The following DIRAS3 variants were observed in gnomAD, a reference collection of about 807,000 sequenced individuals.
DIRAS3 encodes the protein DIRAS family GTPase 3.
For missense variants in DIRAS3, 248 were observed against 300.6 expected, an observed-to-expected ratio of 0.83 and a Z score of 1.29; for synonymous variants, 133 against 131.4, an observed-to-expected ratio of 1.01 and a Z score of -0.08.
chr1:68,048,573 G>A (rs1257395234), intron 1 of DIRAS3, among the ~76,000 whole-genome samples: 3 of 152,178 alleles, frequency 2.0e-5, no homozygotes, highest in African/African-American at 7.2e-5. Flanking sequence ...AAAGAGAAGA[G>A]AGGCTTTTTG....
Position 68,047,258 on chromosome 1 carries a change from G to T in DIRAS3, c.40C>A (p.Leu14Met). ...GCGGGCAGAAGCCGCAACCGCTTCA[G>T]CAGCTTCTGTTCCTTGGAGCCAAAG... ...ASFGSKEQKL[L>M]KRLRLLPALL... The change falls in exon 2 of 2, where the codon CTG (leucine) becomes ATG (methionine). Residue 14 changes from leucine (L) to methionine (M), a missense_variant. By Grantham distance (15) the Leu-to-Met change is conservative. Coordinates refer to ENST00000646789, the MANE Select transcript of DIRAS3 (RefSeq NM_004675.5). 1 of 1,613,962 alleles carries T rather than the reference G, an allele frequency of 6.2e-7. No homozygotes were observed. Among genetic ancestry groups the T allele is most frequent in the Non-Finnish European group, 8.5e-7 (1 of 1,180,030 alleles).
Position 68,046,407 on chromosome 1 carries a change from A to G in DIRAS3, c.*201T>C. The G allele has an allele frequency of 1.9e-6, 1 of 536,170 alleles. No homozygotes were observed. Among genetic ancestry groups the G allele is most frequent in the Non-Finnish European group, 3.2e-6 (1 of 307,748 alleles). The allele number at this position is 536,170 out of a possible 1,614,324, so 33.2% of individuals were successfully genotyped here. A position where few individuals can be genotyped will look rare whatever the true frequency, so the allele number is the denominator to read the frequency against. On this transcript the variant is annotated 3_prime_UTR_variant, in exon 2 of 2. Coordinates refer to ENST00000646789, the MANE Select transcript of DIRAS3 (RefSeq NM_004675.5). The stretch of plus-strand genomic sequence containing the variant: ...ATGCTACATTTTGTTCTCCTCTTCA[A>G]ATGCCAATGTTTTAACAATTTGAAT...
chr1:68,049,971 C>G (rs552822718), intron 1 of DIRAS3, among the ~76,000 whole-genome samples: 2 of 148,086 alleles, frequency 1.4e-5, no homozygotes, highest in South Asian at 2.1e-4. Flanking sequence ...CCCCCCCCCC[C>G]ACTCCCCTCC....
Position 68,046,424 on chromosome 1 carries a change from A to C in DIRAS3, c.*184T>G, listed in dbSNP as rs1645672914. The C allele has an allele frequency of 1.8e-6, 1 of 570,618 alleles. No individual in the cohort carries two copies. The highest frequency in any genetic ancestry group is 2.6e-5 in the South Asian group (1 of 37,834). 35.3% of individuals were successfully genotyped at this position (570,618 alleles called of 1,614,324 possible). A position where few individuals can be genotyped will look rare whatever the true frequency, so the allele number is the denominator to read the frequency against. The stretch of plus-strand genomic sequence containing the variant: ...CCTCTTCAAATGCCAATGTTTTAAC[A>C]ATTTGAATTCTCTGGCCTGGGAAAA... On this transcript the variant is annotated 3_prime_UTR_variant, in exon 2 of 2. Transcript: ENST00000646789.
chr1:68,047,094 C>T lies in DIRAS3; in HGVS notation c.204G>A (p.Pro68=), dbSNP rs1414824900. 3.1e-6 allele frequency: 5 copies of T among 1,614,146 alleles called. No individual in the cohort carries two copies. The highest frequency in any genetic ancestry group is 4.2e-6 in the Non-Finnish European group (5 of 1,180,030). ...ASGNFRHEYL[P]TIENTYCQLL... The stretch of plus-strand genomic sequence containing the variant: ...ACTGGCAGTAGGTATTTTCAATGGT[C>T]GGCAGGTACTCATGACGGAAGTTGC... The change falls in exon 2 of 2, where the codon CCG becomes CCA. Residue 68 remains proline, a synonymous_variant. Coordinates refer to ENST00000646789, the MANE Select transcript of DIRAS3 (RefSeq NM_004675.5).
chr1:68,048,273 A>G (rs774293338), intron 1 of DIRAS3, among the ~76,000 whole-genome samples: 7 of 151,858 alleles, frequency 4.6e-5, no homozygotes, highest in Non-Finnish European at 1.0e-4. Context: ...GTTCAGGAAT[A>G]AACATAGTAG....
intron 1 of DIRAS3, among the ~76,000 whole-genome samples, chr1:68,048,035 AAAAAAAAAAAAAAAATATATATATAT>A (rs1305588808): frequency 1.7e-4 from 10 of 59,162 alleles, no homozygotes; most frequent in African/African-American, 7.8e-4. Flanking sequence ...AAAAAAAAAA[AAAAAAAAAAAAAAAATATATATATAT>A]ATATATATAT....
At position 68,047,005 on chromosome 1, in the gene DIRAS3, T is replaced by C. The variant is rs759146869; in HGVS notation, c.293A>G (p.Asn98Ser). 4 of 1,614,156 alleles carry C rather than the reference T, an allele frequency of 2.5e-6. No individual in the cohort carries two copies. The South Asian group carries it at 3.3e-5, about 13-fold the overall frequency. ...TATAACGTGGCGCTGCAGAGCGCGG[T>C]TGCCGTCGCCACTCTTGCTGTCGGT... The part of the protein sequence containing the change: ...HITDSKSGDG[N>S]RALQRHVIAR... The change falls in exon 2 of 2, where the codon AAC (asparagine) becomes AGC (serine). Residue 98 changes from asparagine (N) to serine (S), a missense_variant. Transcript: ENST00000646789.
rs1236126388 is a variant in DIRAS3, at chr1:68,046,888, A to G, written c.410T>C (p.Ile137Thr). 3 of 1,614,078 alleles carry G rather than the reference A, an allele frequency of 1.9e-6. No homozygotes were observed. Among genetic ancestry groups the G allele is most frequent in the Admixed American group, 1.7e-5 (1 of 60,014 alleles). The change falls in exon 2 of 2, where the codon ATC becomes ACC. Residue 137 changes from isoleucine to threonine, a missense_variant. Coordinates refer to ENST00000646789, the MANE Select transcript of DIRAS3 (RefSeq NM_004675.5). ...GAACTTATGCAGGTTGTTACCTTTG[A>G]TCTTGCAGATCAGCTCATAGAAGGC... Reference protein sequence around the residue: ...LKAFYELICKIKGNNLHKFPI... With the variant: ...LKAFYELICKTKGNNLHKFPI...
In DIRAS3 at chr1:68,047,304, G is replaced by A. The variant is rs769580672; in HGVS notation, c.-7C>T. Reference sequence around the variant, plus strand: ...CAAAGCTGGCGTTACCCATCGTTGGGATTCGGAGGGGAGATACGTGCACAA... The same window carrying A: ...CAAAGCTGGCGTTACCCATCGTTGGAATTCGGAGGGGAGATACGTGCACAA... On this transcript the variant is annotated 5_prime_UTR_variant, in exon 2 of 2. Coordinates refer to ENST00000646789, the MANE Select transcript of DIRAS3 (RefSeq NM_004675.5). The A allele has an allele frequency of 1.2e-6, 2 of 1,610,604 alleles. No homozygotes were observed. Among genetic ancestry groups the A allele is most frequent in the Non-Finnish European group, 1.7e-6 (2 of 1,178,122 alleles).
rs1405452949 is a variant in DIRAS3, at chr1:68,048,032, AAAAAAAAAAAAAAAAAAAT to A, written c.-65-689_-65-671del. On this transcript the variant is annotated intron_variant, in intron 1 of 1. Coordinates refer to ENST00000646789, the MANE Select transcript of DIRAS3 (RefSeq NM_004675.5). The stretch of plus-strand genomic sequence containing the variant: ...ATGACAGTGGAGTAAAAAAAAAAAA[AAAAAAAAAAAAAAAAAAAT>A]ATATATATATATATATATATATATA... Among the ~76,000 whole-genome samples the A allele has an allele frequency of 1.7e-4, 9 of 52,486 alleles. No homozygotes were observed. In the South Asian group the frequency reaches 2.9e-3, roughly 17 times the overall value. The allele number at this position is 52,486 out of a possible 152,430, so 34.4% of individuals were successfully genotyped here.
At chr1:68,048,583 G>T (rs1645701800) in intron 1 of DIRAS3, among the ~76,000 whole-genome samples, 1 of 152,152 alleles carries the variant, frequency 6.6e-6, no homozygotes, top group African/African-American at 2.4e-5. Context: ...GAGGCTTTTT[G>T]TGAATAGCAC....
intron 1 of DIRAS3, among the ~76,000 whole-genome samples, chr1:68,049,986 T>G: frequency 9.5e-6 from 1 of 105,506 alleles, no homozygotes; most frequent in Non-Finnish European, 1.8e-5. Flanking sequence ...CCCTCCACAC[T>G]CCTTCCACCT....
At position 68,046,606 on chromosome 1, in the gene DIRAS3, G is replaced by A. The variant is rs762451736; in HGVS notation, c.*2C>T. 2 of 1,613,390 alleles carry A rather than the reference G, an allele frequency of 1.2e-6. No homozygotes were observed. Among genetic ancestry groups the A allele is most frequent in the Non-Finnish European group, 1.7e-6 (2 of 1,179,700 alleles). On this transcript the variant is annotated 3_prime_UTR_variant, in exon 2 of 2. Coordinates refer to ENST00000646789, the MANE Select transcript of DIRAS3 (RefSeq NM_004675.5). ...GAAGAGCTGGCTCTTAAGGCCCAGG[G>A]CTCACATGATTATGCACTTGTCAAG... is the stretch of plus-strand genomic sequence containing the variant.
chr1:68,047,041 G>C lies in DIRAS3; in HGVS notation c.257C>G (p.Ser86Cys). The C allele has an allele frequency of 1.9e-6, 3 of 1,614,218 alleles. No individual in the cohort carries two copies. The highest frequency in any genetic ancestry group is 2.5e-6 in the Non-Finnish European group (3 of 1,180,044). ...QLLGCSHGVL[S>C]LHITDSKSGD... ...ACTCTTGCTGTCGGTGATGTGCAGG[G>C]AAAGCACACCGTGGCTGCAGCCCAG... Residue 86 changes from serine to cysteine, a missense_variant, in exon 2 of 2, where the codon TCC becomes TGC. Physicochemically the swap from Ser to Cys is moderately radical, Grantham distance 112. Coordinates refer to ENST00000646789, the MANE Select transcript of DIRAS3 (RefSeq NM_004675.5).
Position 68,046,416 on chromosome 1 carries a change from GT to G in DIRAS3, c.*191del, listed in dbSNP as rs554763119. On this transcript the variant is annotated 3_prime_UTR_variant, in exon 2 of 2. Transcript: ENST00000646789. ...TTTGTTCTCCTCTTCAAATGCCAAT[GT>G]TTTAACAATTTGAATTCTCTGGCCT... is the stretch of plus-strand genomic sequence containing the variant. The G allele has an allele frequency of 3.6e-4, 202 of 556,054 alleles. 2 individuals carry two copies. The highest frequency in any genetic ancestry group is 3.5e-3 in the African/African-American group (184 of 53,250). 34.4% of individuals were successfully genotyped at this position (556,054 alleles called of 1,614,324 possible).
In DIRAS3 at chr1:68,047,208, C is replaced by T; in HGVS notation, c.90G>A (p.Lys30=). Reference sequence around the variant, plus strand: ...GGTAATCTCTGATCTTCCTGTGGGGCTTGAAGGCGCGGAGGATAAGCAGGG... The same window carrying T: ...GGTAATCTCTGATCTTCCTGTGGGGTTTGAAGGCGCGGAGGATAAGCAGGG... ...LPALLILRAF[K]PHRKIRDYRV... is the part of the protein sequence containing the mutation. The change falls in exon 2 of 2, where the codon AAG becomes AAA. Residue 30 remains lysine, a synonymous_variant. Coordinates refer to ENST00000646789, the MANE Select transcript of DIRAS3 (RefSeq NM_004675.5). 1 of 1,614,112 alleles carries T rather than the reference C, an allele frequency of 6.2e-7. No homozygotes were observed. Among genetic ancestry groups the T allele is most frequent in the Non-Finnish European group, 8.5e-7 (1 of 1,180,022 alleles).
Position 68,047,257 on chromosome 1 carries a change from A to T in DIRAS3, c.41T>A (p.Leu14Gln), listed in dbSNP as rs1028366823. The change falls in exon 2 of 2, where the codon CTG becomes CAG. Residue 14 changes from leucine (L) to glutamine (Q), a missense_variant. By Grantham distance (113) the Leu-to-Gln change is moderately radical (BLOSUM62 -2). Coordinates refer to ENST00000646789, the MANE Select transcript of DIRAS3 (RefSeq NM_004675.5). ...ASFGSKEQKL[L>Q]KRLRLLPALL... ...GGCGGGCAGAAGCCGCAACCGCTTC[A>T]GCAGCTTCTGTTCCTTGGAGCCAAA... The T allele has an allele frequency of 6.2e-7, 1 of 1,613,862 alleles. No individual in the cohort carries two copies. The highest frequency in any genetic ancestry group is 1.3e-5 in the African/African-American group (1 of 74,930).
intron 1 of DIRAS3, among the ~76,000 whole-genome samples, chr1:68,048,048 A>T (rs369963128): frequency 3.4e-5 from 2 of 58,272 alleles, no homozygotes; most frequent in Non-Finnish European, 6.4e-5. Flanking sequence ...AAAAAAAAAA[A>T]AATATATATA....
Sources: gnomAD v4.1 joint callset for allele counts (sites outside exome capture counted in the v4.1 genomes callset) on GRCh38, gnomAD v4.1.1 for gene constraint, MANE v1.5 for transcripts, NCBI Gene and HGNC (gene_info 2026-07-23, HGNC 2026-07-21) for gene names.